Variants in FAM171A1 observed in about 807,000 individuals in gnomAD.
FAM171A1 encodes the protein family with sequence similarity 171 member A1, also known as protein FAM171A1.
Under a neutral mutation model 74.9 loss-of-function variants are expected in FAM171A1, and 23 were observed. That is an observed-to-expected ratio of 0.31 (90% CI 0.22 to 0.44). The LOEUF (loss-of-function observed/expected upper bound fraction) is 0.44, where lower values mean the gene tolerates loss of function less well. Ranked by LOEUF, FAM171A1 falls within the 20% of genes least tolerant of loss-of-function variation. The pLI is 1.00. For missense variants in FAM171A1, 1,162 were observed against 1,159.2 expected, an observed-to-expected ratio of 1.00 and a Z score of -0.03; for synonymous variants, 527 against 505.7, an observed-to-expected ratio of 1.04 and a Z score of -0.57.
chr10:15,295,110 T>C (rs987482787), intron 1 of FAM171A1, among the ~76,000 whole-genome samples: 1 of 152,134 alleles, frequency 6.6e-6, no homozygotes, highest in East Asian at 1.9e-4. Flanking sequence ...TTTATTTTTT[T>C]ATTTTTAGTA....
At chr10:15,358,435 C>T (rs113655243) in intron 1 of FAM171A1, among the ~76,000 whole-genome samples, 46 of 152,268 alleles carry the variant, frequency 3.0e-4, no homozygotes, top group East Asian at 1.9e-3. Flanking sequence ...TCCAATCATA[C>T]CTGAATGTTT....
chr10:15,374,194 C>A (rs1411384503), upstream of FAM171A1, among the ~76,000 whole-genome samples: 1 of 152,204 alleles, frequency 6.6e-6, no homozygotes, highest in African/African-American at 2.4e-5. Flanking sequence ...CATAGCAACA[C>A]TGAGTCTTGT....
At chr10:15,216,180 A>G in intron 6 of FAM171A1, 70 bp from the exon 7 acceptor site, 1 of 995,312 alleles carries the variant, frequency 1.0e-6, no homozygotes, top group Non-Finnish European at 1.5e-6. Context: ...ATTCATTGAG[A>G]ACGCAGTGTC....
intron 1 of FAM171A1, among the ~76,000 whole-genome samples, chr10:15,358,683 T>C (rs1038860541): frequency 6.6e-6 from 1 of 152,188 alleles, no homozygotes; most frequent in Non-Finnish European, 1.5e-5. Flanking sequence ...CTGGATCCCA[T>C]GCAGTATCAA....
intron 5 of FAM171A1, among the ~76,000 whole-genome samples, chr10:15,225,529 C>T (rs1834094151): frequency 6.6e-6 from 1 of 152,210 alleles, no homozygotes. Flanking sequence ...AAATTGTGTA[C>T]TAGAAACACA....
intron 1 of FAM171A1, among the ~76,000 whole-genome samples, chr10:15,291,780 G>A (rs542320074): frequency 7.2e-5 from 11 of 152,182 alleles, no homozygotes; most frequent in African/African-American, 2.2e-4. Context: ...GGCCAGGTAC[G>A]GTGAACGTGC....
chr10:15,322,583 T>C (rs1170981933), intron 1 of FAM171A1, among the ~76,000 whole-genome samples: 3 of 152,200 alleles, frequency 2.0e-5, no homozygotes, highest in Non-Finnish European at 4.4e-5. Context: ...TCAGTCATTG[T>C]TCCCAAACCC....
chr10:15,282,807 T>G (rs1834987132), intron 2 of FAM171A1, among the ~76,000 whole-genome samples: 1 of 152,168 alleles, frequency 6.6e-6, no homozygotes. Context: ...GACTCTAATG[T>G]TCCCTTGGAT....
intron 1 of FAM171A1, among the ~76,000 whole-genome samples, chr10:15,330,619 G>A (rs1835616481): frequency 6.6e-6 from 1 of 151,682 alleles, no homozygotes; most frequent in African/African-American, 2.4e-5. Context: ...CCCACAGGCA[G>A]CCTCTTACTC....
At chr10:15,370,240 CTTTTT>C (rs34087157) in intron 1 of FAM171A1, among the ~76,000 whole-genome samples, 3 of 110,862 alleles carry the variant, frequency 2.7e-5, no homozygotes, top group African/African-American at 3.3e-5. Context: ...AAGGATTTTT[CTTTTT>C]TTTTTTTTTT....
chr10:15,330,254 G>A (rs981536042), intron 1 of FAM171A1, among the ~76,000 whole-genome samples: 3 of 152,106 alleles, frequency 2.0e-5, no homozygotes, highest in Admixed American at 6.5e-5. Flanking sequence ...CAGGAGAATC[G>A]CCTGAACCCG....
chr10:15,281,797 A>AT (rs1215086829), intron 2 of FAM171A1, among the ~76,000 whole-genome samples: 1 of 152,122 alleles, frequency 6.6e-6, no homozygotes, highest in Non-Finnish European at 1.5e-5. Flanking sequence ...GGAGGTGGAG[A>AT]TTGCAGTGAG....
chr10:15,345,287 C>A lies in FAM171A1; in HGVS notation c.97+25669G>T, dbSNP rs112180142. On this transcript the variant is annotated intron_variant, in intron 1 of 7. Coordinates refer to ENST00000378116, the MANE Select transcript of FAM171A1 (RefSeq NM_001010924.2). ...AGACAGACATGAAGATGTGCACCAGCAATTGCAATCTGGGGCGGGAAGTGT... is the reference window on the plus strand; with the variant it reads ...AGACAGACATGAAGATGTGCACCAGAAATTGCAATCTGGGGCGGGAAGTGT... Among the ~76,000 whole-genome samples the A allele has an allele frequency of 8.4e-3, 1,283 of 152,288 alleles. 19 individuals carry two copies. Among genetic ancestry groups the A allele is most frequent in the African/African-American group, 0.027 (1,140 of 41,562 alleles).
chr10:15,284,048 G>C lies in FAM171A1; in HGVS notation c.155C>G (p.Ala52Gly). ...DASTHQPVAD[A>G]LIEIFTNQAS... is the part of the protein sequence containing the mutation. The stretch of plus-strand genomic sequence containing the variant: ...CTGGTTGGTGAAGATCTCGATGAGC[G>C]CATCTGCTACGGGCTGGTGGGTGCT... Residue 52 changes from alanine (A) to glycine (G), a missense_variant, in exon 2 of 8, where the codon GCG becomes GGG. By Grantham distance (60) the Ala-to-Gly change is moderately conservative (BLOSUM62 0). Transcript: ENST00000378116. 1 of 1,613,956 alleles carries C rather than the reference G, an allele frequency of 6.2e-7. No individual in the cohort carries two copies. Among genetic ancestry groups the C allele is most frequent in the Non-Finnish European group, 8.5e-7 (1 of 1,180,024 alleles).
At chr10:15,229,705 TCATCATCAC>T (rs1278380620) in intron 5 of FAM171A1, among the ~76,000 whole-genome samples, 27 of 90,306 alleles carry the variant, frequency 3.0e-4, no homozygotes, top group African/African-American at 1.0e-3. Context: ...ATCACCATCA[TCATCATCAC>T]CACCATCACC....
At chr10:15,366,287 G>A (rs369039912) in intron 1 of FAM171A1, among the ~76,000 whole-genome samples, 4 of 151,894 alleles carry the variant, frequency 2.6e-5, no homozygotes, top group African/African-American at 7.3e-5. Context: ...GCTTGGCTAC[G>A]TTTTGTATTT....
At chr10:15,356,718 C>A (rs1471568696) in intron 1 of FAM171A1, among the ~76,000 whole-genome samples, 2 of 152,122 alleles carry the variant, frequency 1.3e-5, no homozygotes, top group African/African-American at 4.8e-5. Context: ...CGTATGTAAT[C>A]CCAGCACTCT....
intron 1 of FAM171A1, among the ~76,000 whole-genome samples, chr10:15,323,027 C>A (rs1019415656): frequency 6.6e-6 from 1 of 151,272 alleles, no homozygotes; most frequent in Non-Finnish European, 1.5e-5. Context: ...ATAATCCCAG[C>A]TACTAGGGAG....
intron 6 of FAM171A1, among the ~76,000 whole-genome samples, chr10:15,218,142 C>T (rs1319375683): frequency 6.7e-6 from 1 of 150,200 alleles, no homozygotes; most frequent in East Asian, 2.0e-4. Context: ...TGCAGTGGCA[C>T]GATCTGGGCT....
Sources: gnomAD v4.1 joint callset for allele counts (sites outside exome capture counted in the v4.1 genomes callset) on GRCh38, gnomAD v4.1.1 for gene constraint, MANE v1.5 for transcripts, NCBI Gene and HGNC (gene_info 2026-07-23, HGNC 2026-07-21) for gene names.